Variants in RUFY4 observed in about 807,000 individuals in gnomAD.
RUFY4 encodes the protein RUN and FYVE domain containing 4.
A neutral mutation model predicts 69.0 loss-of-function variants in RUFY4; 73 were observed. The ratio of observed to expected loss-of-function variants is 1.06; its 90% CI spans 0.88 to 1.29. The LOEUF (loss-of-function observed/expected upper bound fraction) is 1.29, where lower values mean the gene tolerates loss of function less well. Among genes scored for constraint, RUFY4 ranks in the 50% most tolerant of loss-of-function variants. The pLI is 0.00. For missense variants in RUFY4, 770 were observed against 705.6 expected (o/e 1.09, Z -1.03); for synonymous variants, 287 against 271.8 (o/e 1.06, Z -0.55).
chr2:218,086,297 G>A (rs574260776), intron 9 of RUFY4, among the ~76,000 whole-genome samples: 1 of 152,314 alleles, frequency 6.6e-6, no homozygotes, highest in Admixed American at 6.5e-5. Flanking sequence ...ATTAAGATGT[G>A]AGAGAATTCC....
At chr2:218,079,319 A>G (rs1689707650) in intron 8 of RUFY4, among the ~76,000 whole-genome samples, 1 of 152,132 alleles carries the variant, frequency 6.6e-6, no homozygotes, top group Non-Finnish European at 1.5e-5. Context: ...CGGGCTTTGG[A>G]TGAAGTGTGA....
intron 2 of RUFY4, among the ~76,000 whole-genome samples, chr2:218,038,585 G>T (rs1464260642): frequency 6.6e-6 from 1 of 152,216 alleles, no homozygotes; most frequent in Non-Finnish European, 1.5e-5. Flanking sequence ...AAGTTTGGAA[G>T]ACCCCAAATT....
chr2:218,089,362 G>A (rs750936310), exon 10 of RUFY4: 20 of 1,613,124 alleles, frequency 1.2e-5, no homozygotes, highest in East Asian at 2.2e-5. Context: ...TATCCATGCA[G>A]GTAAAGGGAA....
intron 8 of RUFY4, among the ~76,000 whole-genome samples, chr2:218,079,459 A>G (rs1386814915): frequency 2.0e-5 from 3 of 152,220 alleles, no homozygotes; most frequent in Non-Finnish European, 4.4e-5. Context: ...GGGCTGTGGC[A>G]GGGCAGATTT....
intron 2 of RUFY4, among the ~76,000 whole-genome samples, chr2:218,046,117 T>A (rs1425502878): frequency 6.6e-6 from 1 of 152,092 alleles, no homozygotes; most frequent in Non-Finnish European, 1.5e-5. Context: ...TAGTGATGTT[T>A]TGATGTATAT....
Position 218,052,745 on chromosome 2 carries a change from TA to T in RUFY4, c.-1157-5840del, listed in dbSNP as rs767229733. Among the ~76,000 whole-genome samples the T allele has an allele frequency of 8.0e-3, 1,160 of 144,780 alleles. 12 individuals are homozygous for T. The highest frequency in any genetic ancestry group is 0.047 in the South Asian group (220 of 4,638). The allele number at this position is 144,780 out of a possible 152,430, so 95.0% of individuals were successfully genotyped here. The stretch of plus-strand genomic sequence containing the variant: ...ACCTCTATCTCACTTTTTTTTTTTT[TA>T]AAAAAAAAAGATAACGTCTTGTGTT... On this transcript the variant is annotated intron_variant and NMD_transcript_variant, in intron 2 of 13. Transcript: ENST00000457754.
intron 9 of RUFY4, among the ~76,000 whole-genome samples, chr2:218,089,050 C>G (rs1258245482): frequency 6.6e-6 from 1 of 151,984 alleles, no homozygotes; most frequent in African/African-American, 2.4e-5. Context: ...TGCGTCTCTG[C>G]TCTTGTTTCT....
chr2:218,085,510 C>A (rs1309456333), intron 9 of RUFY4, among the ~76,000 whole-genome samples: 2 of 152,084 alleles, frequency 1.3e-5, no homozygotes, highest in Non-Finnish European at 2.9e-5. Context: ...AGGAGCTAAC[C>A]ACAGAGGAGA....
At chr2:218,071,627 A>G (rs928576425) in intron 2 of RUFY4, among the ~76,000 whole-genome samples, 3 of 151,992 alleles carry the variant, frequency 2.0e-5, no homozygotes, top group Non-Finnish European at 4.4e-5. Context: ...GCCCGAGGGG[A>G]CCCATCCCCC....
rs1013080774 is a variant in RUFY4, at chr2:218,072,464, A to G, written c.244A>G (p.Met82Val). The G allele has an allele frequency of 3.5e-5, 54 of 1,537,192 alleles. No homozygotes were observed. In the Admixed American group the frequency reaches 8.2e-4, roughly 23 times the overall value. The change falls in exon 3 of 11, where the codon ATG (methionine) becomes GTG (valine). Residue 82 changes from methionine to valine, a missense_variant. Transcript: ENST00000344321. ...TGCCCTACGACGGCAGCGGGGAAAC[A>G]TGGAGCCAATCCACTTTGTCCGTTC...
At chr2:218,076,582 T>C in intron 8 of RUFY4, 49 bp downstream of exon 10, 1 of 1,539,870 alleles carries the variant, frequency 6.5e-7, no homozygotes, top group African/African-American at 1.4e-5. Context: ...GCTCCCTAGG[T>C]CCTGCTGTCA....
intron 9 of RUFY4, among the ~76,000 whole-genome samples, chr2:218,086,968 C>T (rs1689907907): frequency 2.6e-5 from 4 of 152,100 alleles, no homozygotes; most frequent in Non-Finnish European, 4.4e-5. Flanking sequence ...ATTAAAAACT[C>T]CCAGAAAACC....
In RUFY4 at chr2:218,037,218, G is replaced by T. The variant is rs1238091281; in HGVS notation, c.-1158+1824G>T. 4.6e-5 allele frequency among the ~76,000 whole-genome samples: 7 copies of T among 152,134 alleles called. No homozygotes were observed. In the East Asian group the frequency reaches 1.4e-3, roughly 29 times the overall value. On this transcript the variant is annotated intron_variant and NMD_transcript_variant, in intron 2 of 13. Transcript: ENST00000457754. ...GCCTGTAACCTCAGCTACTTGGGAG[G>T]CTGAGGCAGAAGAATCCCTTGAACC...
At chr2:218,089,383 T>A (rs768106490) in intron 10 of RUFY4, 21 bp downstream of exon 12, 7 of 1,602,174 alleles carry the variant, frequency 4.4e-6, no homozygotes, top group Non-Finnish European at 6.0e-6. Flanking sequence ...GGGCACAGAA[T>A]CCTCCCTCTG....
rs771145453 is a variant in RUFY4, at chr2:218,073,687, G to A, written c.531-129G>A. On this transcript the variant is annotated intron_variant, in intron 5 of 10. Transcript: ENST00000344321. ...TGAATGGAGGATGGGATGCATGAGG[G>A]TGGGTGGGCAGGAAGGAGGAAGTGT... 174 of 992,334 alleles carry A rather than the reference G, an allele frequency of 1.8e-4. 1 individual carries two copies. In the Middle Eastern group the frequency reaches 2.5e-3, roughly 15 times the overall value. The allele number at this position is 992,334 out of a possible 1,614,324, so 61.5% of individuals were successfully genotyped here.
At position 218,089,666 on chromosome 2, in the gene RUFY4, C is replaced by T. The variant is rs749995756; in HGVS notation, c.1614-286C>T. On this transcript the variant is annotated intron_variant, in intron 10 of 10. Coordinates refer to ENST00000344321, the Ensembl canonical transcript of RUFY4. The stretch of plus-strand genomic sequence containing the variant: ...ATCTGTACAGCGTAAGCTGCTCCCC[C>T]TCCTTCCTCTGTGAGCACAGTGCTA... 2.6e-5 allele frequency: 18 copies of T among 702,866 alleles called. 1 individual carries two copies. The South Asian group carries it at 2.7e-4, about 10-fold the overall frequency. 43.5% of individuals were successfully genotyped at this position (702,866 alleles called of 1,614,324 possible).
chr2:218,049,243 T>C (rs770018911), intron 2 of RUFY4, among the ~76,000 whole-genome samples: 23 of 152,352 alleles, frequency 1.5e-4, no homozygotes, highest in Middle Eastern at 3.4e-3. Context: ...TGACCTTCTT[T>C]TTCCCATGGC....
chr2:218,079,493 T>G (rs1200252412), intron 8 of RUFY4, among the ~76,000 whole-genome samples: 1 of 152,000 alleles, frequency 6.6e-6, no homozygotes, highest in Non-Finnish European at 1.5e-5. Flanking sequence ...AGAGCTTGGT[T>G]TTGAACACGT....
At chr2:218,062,964 T>C (rs1267498672) in intron 3 of RUFY4, among the ~76,000 whole-genome samples, 6 of 152,180 alleles carry the variant, frequency 3.9e-5, no homozygotes, top group Non-Finnish European at 8.8e-5. Context: ...GGACCCTCCC[T>C]GTCCTGCATG....
Sources: allele counts gnomAD v4.1 joint callset (sites outside exome capture counted in the v4.1 genomes callset), GRCh38; gene constraint gnomAD v4.1.1; transcripts MANE v1.5; gene names NCBI Gene and HGNC (gene_info 2026-07-23, HGNC 2026-07-21).